The following NDUFS3 variants were observed in gnomAD, a reference collection of about 807,000 sequenced individuals.
NDUFS3 encodes the protein NADH:ubiquinone oxidoreductase core subunit S3.
Under a neutral mutation model 30.8 loss-of-function variants are expected in NDUFS3, and 19 were observed. The ratio of observed to expected loss-of-function variants is 0.62; its 90% confidence interval spans 0.43 to 0.91. The LOEUF is 0.91. NDUFS3 is among the 40% of genes least tolerant of loss of function. The pLI is 0.00. For missense variants in NDUFS3, 331 were observed against 342.0 expected (o/e 0.97, Z 0.25); for synonymous variants, 153 against 135.8 (o/e 1.13, Z -0.88).
intron 2 of NDUFS3, among the ~76,000 whole-genome samples, chr11:47,580,023 ACACAC>A (rs1347158295): frequency 2.6e-5 from 3 of 117,366 alleles, no homozygotes; most frequent in Admixed American, 9.3e-5. Context: ...ACACACACAC[ACACAC>A]ACCTGGGCCT....
Position 47,583,403 on chromosome 11 carries a change from G to A in NDUFS3, c.628-911G>A, listed in dbSNP as rs181215522. Among the ~76,000 whole-genome samples, 664 of 152,124 alleles carry A rather than the reference G, an allele frequency of 4.4e-3. 2 individuals carry two copies. The highest frequency in any genetic ancestry group is 0.015 in the African/African-American group (607 of 41,508). ...TTTTAATGATCAAGGCAGCCTTGAC[G>A]ACACAGTCTGTCCCTAAAACCTGAA... On this transcript the variant is annotated intron_variant, in intron 6 of 6. Coordinates refer to ENST00000263774, the MANE Select transcript of NDUFS3 (RefSeq NM_004551.3).
At chr11:47,582,025 G>C (rs1565942515) in intron 4 of NDUFS3, 63 bp from the exon 5 acceptor site, 1 of 1,598,830 alleles carries the variant, frequency 6.3e-7, no homozygotes, top group East Asian at 2.2e-5. Flanking sequence ...CAGGGTCACA[G>C]GGCAGAACTC....
intron 2 of NDUFS3, chr11:47,579,682 A>G: frequency 6.5e-6 from 3 of 462,372 alleles, no homozygotes; most frequent in Non-Finnish European, 1.2e-5. Flanking sequence ...GTTTTAGTGA[A>G]TGATCTTATT....
chr11:47,581,993 T>C, intron 4 of NDUFS3, 95 bp from the exon 5 acceptor site: 1 of 1,522,802 alleles, frequency 6.6e-7, no homozygotes. Context: ...AATCTTGAGG[T>C]TTTGAGGTTC....
chr11:47,579,416 C>T, intron 2 of NDUFS3, 82 bp downstream of exon 2: 1 of 1,541,918 alleles, frequency 6.5e-7, no homozygotes, highest in Non-Finnish European at 8.9e-7. Flanking sequence ...GATGCCCTTC[C>T]CTACGTCCTC....
chr11:47,579,371 C>T lies in NDUFS3; in HGVS notation c.133+37C>T, dbSNP rs369131801. The stretch of plus-strand genomic sequence containing the variant: ...CGGGCAGCGCTCTTCTCTGAACTAT[C>T]GGCGGGGCCCCTTAGATGCCTGTCC... On this transcript the variant is annotated intron_variant, in intron 2 of 6. Coordinates refer to ENST00000263774, the MANE Select transcript of NDUFS3 (RefSeq NM_004551.3). 163 of 1,611,234 alleles carry T rather than the reference C, an allele frequency of 1.0e-4. 2 individuals carry two copies. The East Asian group carries it at 2.4e-3, about 24-fold the overall frequency.
At chr11:47,582,581 T>G (rs1450195929) in intron 6 of NDUFS3, 113 bp downstream of exon 6, 1 of 1,539,218 alleles carries the variant, frequency 6.5e-7, no homozygotes, top group Non-Finnish European at 8.9e-7. Flanking sequence ...TTTAAGAGCA[T>G]GGGCCCTGGA....
At position 47,580,872 on chromosome 11, in the gene NDUFS3, C is replaced by A; in HGVS notation, c.269C>A (p.Pro90His). ...CFNELEVCIH[P>H]DGVIPVLTFL... is the part of the protein sequence containing the mutation. ...AATGAGTTAGAGGTCTGTATCCATC[C>A]TGATGGCGTCATCCCAGTGCTGACT... Residue 90 changes from proline (P) to histidine (H), a missense_variant, in exon 4 of 7, where the codon CCT (proline) becomes CAT (histidine). Pro to His is a moderately conservative substitution (Grantham distance 77, BLOSUM62 -2). Coordinates refer to ENST00000263774, the MANE Select transcript of NDUFS3 (RefSeq NM_004551.3). 6.2e-7 allele frequency: 1 copy of A among 1,614,202 alleles called. No homozygotes were observed. The highest frequency in any genetic ancestry group is 8.5e-7 in the Non-Finnish European group (1 of 1,180,046).
intron 6 of NDUFS3, among the ~76,000 whole-genome samples, chr11:47,582,852 C>T (rs1414497007): frequency 1.3e-5 from 2 of 152,120 alleles, no homozygotes; most frequent in East Asian, 3.9e-4. Flanking sequence ...GAAAAATTAA[C>T]GGGGCATGGT....
chr11:47,584,232 C>A, intron 6 of NDUFS3, 82 bp from the exon 7 acceptor site: 1 of 1,590,078 alleles, frequency 6.3e-7, no homozygotes. Context: ...GGGAAGTCAC[C>A]AATAGCCTTG....
In NDUFS3 at chr11:47,584,487, G is replaced by C; in HGVS notation, c.*6G>C. The C allele has an allele frequency of 6.2e-7, 1 of 1,614,004 alleles. No individual in the cohort carries two copies. Among genetic ancestry groups the C allele is most frequent in the Non-Finnish European group, 8.5e-7 (1 of 1,179,994 alleles). On this transcript the variant is annotated 3_prime_UTR_variant, in exon 7 of 7. Transcript: ENST00000263774. ...AGAAGCCTGATGCCAAGTAGCTCCA[G>C]GGAACGCATGTGGATCCTAGACAGC...
chr11:47,579,827 G>C (rs772607924), intron 2 of NDUFS3: 1 of 229,200 alleles, frequency 4.4e-6, no homozygotes, highest in African/African-American at 2.2e-5. Context: ...TGCTGCCAGA[G>C]GCAGAAACAC....
intron 6 of NDUFS3, among the ~76,000 whole-genome samples, chr11:47,583,533 C>T (rs963668934): frequency 1.3e-5 from 2 of 152,066 alleles, no homozygotes; most frequent in East Asian, 1.9e-4. Context: ...GGACCAGTAA[C>T]GTGAATAAAG....
chr11:47,580,805 T>C, intron 3 of NDUFS3, 30 bp from the exon 4 acceptor site: 1 of 1,614,152 alleles, frequency 6.2e-7, no homozygotes, highest in Non-Finnish European at 8.5e-7. Flanking sequence ...TAGCTCTTTG[T>C]TCCCTCTCCC....
Position 47,582,476 on chromosome 11 carries a change from C to G in NDUFS3, c.627+8C>G. On this transcript the variant is annotated splice_region_variant and intron_variant, in intron 6 of 6. Transcript: ENST00000263774. ...CTATCTGGCTATGTTGAGGTAGGAGCCTTGGAACTGGGACAGCAGCCTCAG... is the reference window on the plus strand; with the variant it reads ...CTATCTGGCTATGTTGAGGTAGGAGGCTTGGAACTGGGACAGCAGCCTCAG... 2 of 1,614,068 alleles carry G rather than the reference C, an allele frequency of 1.2e-6. No homozygotes were observed. Among genetic ancestry groups the G allele is most frequent in the South Asian group, 1.1e-5 (1 of 91,072 alleles).
Position 47,584,370 on chromosome 11 carries a change from A to G in NDUFS3, c.684A>G (p.Gln228=), listed in dbSNP as rs747604324. 1 of 1,614,136 alleles carries G rather than the reference A, an allele frequency of 6.2e-7. No homozygotes were observed. Among genetic ancestry groups the G allele is most frequent in the Admixed American group, 1.7e-5 (1 of 59,996 alleles). Residue 228 remains glutamine (Q), a synonymous_variant, in exon 7 of 7, where the codon CAA becomes CAG. Coordinates refer to ENST00000263774, the MANE Select transcript of NDUFS3 (RefSeq NM_004551.3). The stretch of plus-strand genomic sequence containing the variant: ...TGGCAGAGCCGGTGGAGTTGGCCCA[A>G]GAGTTCCGCAAATTTGACCTGAACA... ...RVVAEPVELA[Q]EFRKFDLNSP...
chr11:47,580,611 CA>C lies in NDUFS3; in HGVS notation c.222del (p.Gln74HisfsTer11). 6.2e-7 allele frequency: 1 copy of C among 1,614,050 alleles called. No individual in the cohort carries two copies. The highest frequency in any genetic ancestry group is 2.2e-5 in the East Asian group (1 of 44,890). Reference sequence around the variant, plus strand: ...GGCTGAAATCTTGCCCAAGTATGTCCAACAAGTTCAGGTAATACTTACTAAT... The same window carrying C: ...GGCTGAAATCTTGCCCAAGTATGTCCACAAGTTCAGGTAATACTTACTAAT... ...YVAEILPKYV[Q>X]QVQVSCFNEL... On this transcript the variant is annotated frameshift_variant, in exon 3 of 7. Transcript: ENST00000263774. LOFTEE classifies it high-confidence loss of function.
chr11:47,583,739 T>A (rs1598806482), intron 6 of NDUFS3, among the ~76,000 whole-genome samples: 3 of 152,340 alleles, frequency 2.0e-5, no homozygotes, highest in Admixed American at 2.0e-4. Flanking sequence ...TGGGCAGGGC[T>A]ATCTCCCTCG....
chr11:47,581,582 C>A (rs1415177498), intron 4 of NDUFS3: 2 of 236,278 alleles, frequency 8.5e-6, no homozygotes, highest in East Asian at 2.1e-4. Context: ...ACAGTGTTTT[C>A]AATACATTTA....
Sources: gnomAD v4.1 joint callset for allele counts (sites outside exome capture counted in the v4.1 genomes callset) on GRCh38, gnomAD v4.1.1 for gene constraint, MANE v1.5 for transcripts, NCBI Gene and HGNC (gene_info 2026-07-23, HGNC 2026-07-21) for gene names.